The following ZFYVE26 variants were observed in gnomAD, a reference collection of about 807,000 sequenced individuals.
The protein encoded by ZFYVE26 is zinc finger FYVE-type containing 26.
In ZFYVE26, 181 loss-of-function variants were observed where a neutral mutation model predicts 276.5. The ratio of observed to expected loss-of-function variants is 0.65; its 90% CI spans 0.58 to 0.74. ZFYVE26 has a LOEUF of 0.74. Among genes scored for constraint, ZFYVE26 ranks in the 30% least tolerant of loss-of-function variants. ZFYVE26 has a pLI of 0.00. For synonymous variants in ZFYVE26, 1,129 were observed against 1,203.1 expected, an observed-to-expected ratio of 0.94 and a Z score of 1.27; for missense variants, 2,821 against 3,097.9, an observed-to-expected ratio of 0.91 and a Z score of 2.12.
At chr14:67,794,329 T>A (rs1228573399) in intron 12 of ZFYVE26, 90 bp from the exon 13 acceptor site, 6 of 1,238,046 alleles carry the variant, frequency 4.8e-6, no homozygotes, top group Non-Finnish European at 7.2e-6. Context: ...AAGATCTGTG[T>A]AGTTAGAGAC....
At chr14:67,810,463 C>T (rs1488536047) in intron 3 of ZFYVE26, among the ~76,000 whole-genome samples, 2 of 152,118 alleles carry the variant, frequency 1.3e-5, no homozygotes, top group African/African-American at 2.4e-5. Flanking sequence ...ACTTAATTTC[C>T]AAATCAAACA....
chr14:67,792,920 A>AAAG (rs1333541988), intron 14 of ZFYVE26, among the ~76,000 whole-genome samples: 2 of 149,994 alleles, frequency 1.3e-5, no homozygotes, highest in African/African-American at 4.9e-5. Context: ...TCTCAAAAAA[A>AAAG]AAAAAAAAAA....
rs1173917669 is a variant in ZFYVE26, at chr14:67,786,014, C to G, written c.3148G>C (p.Glu1050Gln). Residue 1050 changes from glutamate (E) to glutamine (Q), a missense_variant, in exon 18 of 42, where the codon GAA becomes CAA. Physicochemically the swap from Glu to Gln is conservative, Grantham distance 29. Transcript: ENST00000347230. Reference protein sequence around the residue: ...SASQTKSESVEEKGGGPPRCS... With the variant: ...SASQTKSESVQEKGGGPPRCS... The stretch of plus-strand genomic sequence containing the variant: ...CGTGGAGGGCCTCCTCCCTTTTCTT[C>G]CACACTCTCTATGGAAAGCAAATGA... The G allele has an allele frequency of 6.2e-7, 1 of 1,614,174 alleles. No individual in the cohort carries two copies. The highest frequency in any genetic ancestry group is 1.7e-5 in the Admixed American group (1 of 60,016).
intron 35 of ZFYVE26, 109 bp from the exon 36 acceptor site, chr14:67,756,254 G>A (rs754132808): frequency 1.8e-5 from 20 of 1,104,990 alleles, no homozygotes; most frequent in Admixed American, 5.1e-5. Context: ...TCCTCCCAAT[G>A]CAGTGCTTCT....
chr14:67,752,233 A>C, intron 40 of ZFYVE26, 111 bp downstream of exon 40: 1 of 1,369,886 alleles, frequency 7.3e-7, no homozygotes, highest in East Asian at 2.5e-5. Context: ...TCAGAATGAT[A>C]AAAGGATCTT....
At chr14:67,771,407 G>A (rs7156195) in intron 28 of ZFYVE26, among the ~76,000 whole-genome samples, 7,802 of 152,172 alleles carry the variant, frequency 0.051, 627 homozygotes, top group African/African-American at 0.17. Context: ...TTAAAGTACT[G>A]CTTCATTTCA....
Position 67,762,717 on chromosome 14 carries a change from T to G in ZFYVE26, c.6114A>C (p.Leu2038=). The change falls in exon 33 of 42, where the codon CTA becomes CTC. Residue 2038 remains leucine (L), a synonymous_variant. Transcript: ENST00000347230. The stretch of plus-strand genomic sequence containing the variant: ...ACTCGGCTTCCAAAAGCTGGTTCCT[T>G]AGCCTGGTTACTGCAGCTGGCTGCA... The part of the protein sequence containing the change: ...QILQPAAVTR[L]RNQLLEAEYY... The G allele has an allele frequency of 6.2e-7, 1 of 1,614,128 alleles. No individual in the cohort carries two copies. Among genetic ancestry groups the G allele is most frequent in the Non-Finnish European group, 8.5e-7 (1 of 1,180,042 alleles).
chr14:67,783,337 G>A lies in ZFYVE26; in HGVS notation c.3815C>T (p.Thr1272Ile). 6.2e-7 allele frequency: 1 copy of A among 1,613,152 alleles called. No homozygotes were observed. Among genetic ancestry groups the A allele is most frequent in the South Asian group, 1.1e-5 (1 of 91,066 alleles). Residue 1272 changes from threonine to isoleucine, a missense_variant, in exon 21 of 42, where the codon ACA (threonine) becomes ATA (isoleucine). Thr to Ile is a moderately conservative substitution (Grantham distance 89, BLOSUM62 -1). Transcript: ENST00000347230. Reference sequence around the variant, plus strand: ...CTCAGTTGTCCTCGGGGAGCTCGGTGTAGAAAGTGGGAGGTCATCCAGGCA... The same window carrying A: ...CTCAGTTGTCCTCGGGGAGCTCGGTATAGAAAGTGGGAGGTCATCCAGGCA... The part of the protein sequence containing the change: ...SHCLDDLPLS[T>I]PSSPRTTENP...
At chr14:67,734,703 GC>G (rs912836776) in intron 13 of ZFYVE26, among the ~76,000 whole-genome samples, 4 of 152,178 alleles carry the variant, frequency 2.6e-5, no homozygotes, top group African/African-American at 9.7e-5. Flanking sequence ...TGAGAATCTG[GC>G]ACCCAAAAGG....
Position 67,735,495 on chromosome 14 carries a change from C to T in ZFYVE26, n.2680-5676G>A. On this transcript the variant is annotated intron_variant and non_coding_transcript_variant, in intron 13 of 14. Transcript: ENST00000394455. ...GGTGGCCGAGACACCGTTCGACCTT[C>T]CCATCTTGGCTCCCTGAAATCCCCT... is the stretch of plus-strand genomic sequence containing the variant. The T allele has an allele frequency of 5.3e-6, 3 of 569,558 alleles. No homozygotes were observed. In the South Asian group the frequency reaches 6.7e-5, roughly 13 times the overall value. 35.3% of individuals were successfully genotyped at this position (569,558 alleles called of 1,614,324 possible). A position where few individuals can be genotyped will look rare whatever the true frequency, so the allele number is the denominator to read the frequency against.
chr14:67,809,188 G>A lies in ZFYVE26; in HGVS notation c.363+12C>T. On this transcript the variant is annotated intron_variant, in intron 4 of 41. Coordinates refer to ENST00000347230, the MANE Select transcript of ZFYVE26 (RefSeq NM_015346.4). ...TCAACCCTGGGCAGATGGTACCAGG[G>A]CTCTCTCTCACCTCGAGGATGTTCT... The A allele has an allele frequency of 6.2e-7, 1 of 1,610,466 alleles. No homozygotes were observed. The highest frequency in any genetic ancestry group is 8.5e-7 in the Non-Finnish European group (1 of 1,176,834).
At chr14:67,755,625 T>C (rs2053389086) in intron 36 of ZFYVE26, among the ~76,000 whole-genome samples, 1 of 152,250 alleles carries the variant, frequency 6.6e-6, no homozygotes, top group South Asian at 2.1e-4. Context: ...CTAAAAACAC[T>C]AACGTTTCCA....
At chr14:67,769,015 C>A (rs1404928731) in intron 29 of ZFYVE26, among the ~76,000 whole-genome samples, 2 of 152,182 alleles carry the variant, frequency 1.3e-5, no homozygotes, top group Non-Finnish European at 2.9e-5. Flanking sequence ...GTTCATGCTT[C>A]TTTGCTACTA....
intron 14 of ZFYVE26, 90 bp downstream of exon 14, chr14:67,793,518 A>C (rs1006875309): frequency 3.9e-5 from 57 of 1,463,614 alleles, no homozygotes; most frequent in Non-Finnish European, 5.0e-5. Flanking sequence ...TGGACCCCTG[A>C]GTGCTCCCAG....
rs200741350 is a variant in ZFYVE26, at chr14:67,754,118, G to T, written c.7081C>A (p.Pro2361Thr). 7 of 1,614,204 alleles carry T rather than the reference G, an allele frequency of 4.3e-6. No individual in the cohort carries two copies. In the Admixed American group the frequency reaches 1.2e-4, roughly 27 times the overall value. Residue 2361 changes from proline to threonine, a missense_variant, in exon 38 of 42, where the codon CCA becomes ACA. Coordinates refer to ENST00000347230, the MANE Select transcript of ZFYVE26 (RefSeq NM_015346.4). ...ATGTGGTTATTTCCAAACAGGGTTG[G>T]CAGAGGCAAAGTGGTGATTTGAGAG... is the stretch of plus-strand genomic sequence containing the variant. ...GTSQITTLPL[P>T]TLFGNNHMKM... is the part of the protein sequence containing the mutation.
In ZFYVE26 at chr14:67,748,432, A is replaced by G. The variant is rs1294356493; in HGVS notation, c.*4T>C. The G allele has an allele frequency of 1.2e-6, 2 of 1,611,828 alleles. No individual in the cohort carries two copies. The highest frequency in any genetic ancestry group is 1.7e-5 in the Admixed American group (1 of 60,024). ...CCACGTGTTCCTGGCCCCACTGCCC[A>G]AGGTCACTTCCTGGAGCCTGGGCCA... On this transcript the variant is annotated 3_prime_UTR_variant, in exon 42 of 42. Coordinates refer to ENST00000347230, the MANE Select transcript of ZFYVE26 (RefSeq NM_015346.4).
rs370801482 is a variant in ZFYVE26, at chr14:67,734,614, G to A, written n.2680-4795C>T. ...AGAACTCAGGGCAAAGACAGCAGCT[G>A]GAATGTAAGATCCTCAGAGTGTGTA... On this transcript the variant is annotated intron_variant and non_coding_transcript_variant, in intron 13 of 14. Transcript: ENST00000394455. Among the ~76,000 whole-genome samples, 6 of 152,316 alleles carry A rather than the reference G, an allele frequency of 3.9e-5. No individual in the cohort carries two copies. The East Asian group carries it at 5.8e-4, about 15-fold the overall frequency.
At chr14:67,745,459 C>T (rs1179553755), downstream of ZFYVE26, among the ~76,000 whole-genome samples, 1 of 151,838 alleles carries the variant, frequency 6.6e-6, no homozygotes, top group African/African-American at 2.4e-5. Context: ...GAAATGATCC[C>T]TCAAAGTATA....
chr14:67,758,983 T>C lies in ZFYVE26; in HGVS notation c.6588+2383A>G, dbSNP rs2038858999. ...GGCTGGGCACGGTGGCTCACGCCTC[T>C]AATCCCAGCACTTTGGGAGGCCGAG... On this transcript the variant is annotated intron_variant, in intron 35 of 41. Transcript: ENST00000347230. Among the ~76,000 whole-genome samples the C allele has an allele frequency of 3.9e-5, 6 of 152,012 alleles. No individual in the cohort carries two copies. The South Asian group carries it at 1.2e-3, about 32-fold the overall frequency.
Sources: gnomAD v4.1 joint callset for allele counts (sites outside exome capture counted in the v4.1 genomes callset) on GRCh38, gnomAD v4.1.1 for gene constraint, MANE v1.5 for transcripts, NCBI Gene and HGNC (gene_info 2026-07-23, HGNC 2026-07-21) for gene names.